The following TRPM3 variants were observed in gnomAD, a reference collection of about 807,000 sequenced individuals.
The protein encoded by TRPM3 is long transient receptor potential channel 3.
Under a neutral mutation model 181.2 loss-of-function variants are expected in TRPM3, and 77 were observed. That is an observed-to-expected ratio of 0.42 (90% CI 0.35 to 0.51). TRPM3 has a LOEUF of 0.51. Ranked by LOEUF, TRPM3 falls within the 20% of genes least tolerant of loss-of-function variation. The pLI is 0.01. For synonymous variants in TRPM3, 745 were observed against 796.4 expected (o/e 0.94, Z 1.09); for missense variants, 1,759 against 2,196.7 (o/e 0.80, Z 3.98).
At chr9:70,900,840 C>T (rs530675207) in intron 1 of TRPM3, among the ~76,000 whole-genome samples, 20 of 152,292 alleles carry the variant, frequency 1.3e-4, no homozygotes, top group African/African-American at 4.8e-4. Context: ...TATCTGGCCT[C>T]TACTAAGCAG....
intron 1 of TRPM3, among the ~76,000 whole-genome samples, chr9:71,339,869 T>C (rs186063837): frequency 1.3e-5 from 2 of 152,144 alleles, no homozygotes; most frequent in Admixed American, 1.3e-4. Context: ...ACAACAGACG[T>C]TTTTGGTATA....
intron 20 of TRPM3, among the ~76,000 whole-genome samples, chr9:70,601,412 T>C (rs962785744): frequency 1.3e-5 from 2 of 152,106 alleles, no homozygotes; most frequent in African/African-American, 2.4e-5. Flanking sequence ...TGCAAACTTT[T>C]CCACATTTCC....
chr9:70,941,809 G>C (rs1186775988), intron 1 of TRPM3, among the ~76,000 whole-genome samples: 3 of 152,056 alleles, frequency 2.0e-5, no homozygotes, highest in Non-Finnish European at 4.4e-5. Flanking sequence ...TGAATCTCAG[G>C]CACCTTCTGA....
intron 5 of TRPM3, among the ~76,000 whole-genome samples, chr9:70,835,122 CT>C (rs1380457218): frequency 3.3e-5 from 5 of 152,122 alleles, no homozygotes; most frequent in Admixed American, 6.6e-5. Context: ...CCAGCTCCCC[CT>C]TTGCCTTCTG....
At chr9:71,073,361 T>G (rs1772926962) in intron 1 of TRPM3, among the ~76,000 whole-genome samples, 1 of 152,190 alleles carries the variant, frequency 6.6e-6, no homozygotes, top group African/African-American at 2.4e-5. Flanking sequence ...AAGTAGGACA[T>G]GTGACGGTTC....
intron 21 of TRPM3, among the ~76,000 whole-genome samples, chr9:70,596,283 T>C (rs2059004880): frequency 6.6e-6 from 1 of 152,244 alleles, no homozygotes; most frequent in African/African-American, 2.4e-5. Flanking sequence ...ATTTGAATTC[T>C]TCCTCTCTTT....
intron 1 of TRPM3, among the ~76,000 whole-genome samples, chr9:71,385,902 T>C (rs982501954): frequency 1.3e-5 from 2 of 151,668 alleles, no homozygotes; most frequent in East Asian, 3.9e-4. Flanking sequence ...AGGCAGGGTT[T>C]CACCATGTTG....
intron 22 of TRPM3, among the ~76,000 whole-genome samples, chr9:70,562,617 G>A (rs1478577264): frequency 6.9e-6 from 1 of 144,740 alleles, no homozygotes; most frequent in African/African-American, 2.5e-5. Flanking sequence ...TGTGTGTTGG[G>A]CAGGGGGGAG....
At chr9:71,420,233 G>A (rs535098662) in intron 1 of TRPM3, among the ~76,000 whole-genome samples, 167 of 151,920 alleles carry the variant, frequency 1.1e-3, no homozygotes, top group Non-Finnish European at 1.9e-3. Flanking sequence ...GAAAAGAAGA[G>A]AATTAGGGGA....
chr9:70,585,614 TC>T (rs1370049846), intron 22 of TRPM3, among the ~76,000 whole-genome samples: 1 of 152,232 alleles, frequency 6.6e-6, no homozygotes, highest in Admixed American at 6.6e-5. Flanking sequence ...TGGCGTAATC[TC>T]CAGCTCCTCT....
chr9:71,020,043 C>A (rs2097830092), intron 1 of TRPM3, among the ~76,000 whole-genome samples: 1 of 151,778 alleles, frequency 6.6e-6, no homozygotes, highest in African/African-American at 2.4e-5. Flanking sequence ...TTCAGTTGGT[C>A]TTTGATCTAA....
chr9:71,381,082 ATACAAGACAAT>A (rs1280342193), intron 1 of TRPM3, among the ~76,000 whole-genome samples: 3 of 152,090 alleles, frequency 2.0e-5, no homozygotes, highest in African/African-American at 7.2e-5. Context: ...CACTTAAGAA[ATACAAGACAAT>A]TACTGCCCTT....
chr9:70,960,827 C>T (rs915320611), intron 1 of TRPM3, among the ~76,000 whole-genome samples: 2 of 152,140 alleles, frequency 1.3e-5, no homozygotes. Context: ...CTGGCCACCG[C>T]TCTGCCTTTC....
chr9:71,441,712 A>T (rs902586772), intron 1 of TRPM3, among the ~76,000 whole-genome samples: 2 of 147,288 alleles, frequency 1.4e-5, no homozygotes, highest in Non-Finnish European at 3.0e-5. Flanking sequence ...GGCTCACTGC[A>T]ACCTCTGCCT....
intron 8 of TRPM3, among the ~76,000 whole-genome samples, chr9:70,743,215 T>C (rs1442818608): frequency 6.6e-6 from 1 of 152,182 alleles, no homozygotes; most frequent in Admixed American, 6.6e-5. Context: ...ACGGAGGGTC[T>C]TGAATGTCTG....
chr9:71,310,426 A>G (rs1355901558), intron 1 of TRPM3, among the ~76,000 whole-genome samples: 4 of 152,110 alleles, frequency 2.6e-5, no homozygotes, highest in Non-Finnish European at 5.9e-5. Context: ...ATTTTTAAGA[A>G]GAGATCTAGG....
At chr9:71,105,589 A>G (rs1350937526) in intron 1 of TRPM3, among the ~76,000 whole-genome samples, 1 of 152,014 alleles carries the variant, frequency 6.6e-6, no homozygotes, top group Non-Finnish European at 1.5e-5. Context: ...TGGCCTTGGG[A>G]TGATTAAGGC....
intron 1 of TRPM3, among the ~76,000 whole-genome samples, chr9:71,003,928 A>G (rs926013070): frequency 6.6e-5 from 10 of 152,284 alleles, no homozygotes; most frequent in Admixed American, 6.5e-4. Flanking sequence ...CTCCTCCAAG[A>G]TAGAATAACA....
intron 1 of TRPM3, among the ~76,000 whole-genome samples, chr9:71,098,706 G>A (rs1351932946): frequency 1.3e-5 from 2 of 152,202 alleles, no homozygotes; most frequent in African/African-American, 4.8e-5. Context: ...GCCTGGAAGT[G>A]GTAAATGTAT....
Sources: gnomAD v4.1 joint callset for allele counts (sites outside exome capture counted in the v4.1 genomes callset) on GRCh38, gnomAD v4.1.1 for gene constraint, MANE v1.5 for transcripts, NCBI Gene and HGNC (gene_info 2026-07-23, HGNC 2026-07-21) for gene names.